HOOK3: variants seen among roughly 807,000 people sequenced by gnomAD.
HOOK3 encodes the protein protein Hook homolog 3.
A neutral mutation model predicts 116.3 loss-of-function variants in HOOK3; 24 were observed. The ratio of observed to expected loss-of-function variants is 0.21; its 90% CI spans 0.15 to 0.29. The LOEUF is 0.29. Among genes scored for constraint, HOOK3 ranks in the 10% least tolerant of loss-of-function variants. The pLI, the probability that HOOK3 is intolerant of heterozygous loss-of-function variation, is 1.00. For synonymous variants in HOOK3, 275 were observed against 283.0 expected, an observed-to-expected ratio of 0.97 and a Z score of 0.28; for missense variants, 632 against 830.2, an observed-to-expected ratio of 0.76 and a Z score of 2.93.
intron 15 of HOOK3, among the ~76,000 whole-genome samples, chr8:42,988,116 GATT>G (rs1809081968): frequency 6.6e-6 from 1 of 152,126 alleles, no homozygotes; most frequent in Non-Finnish European, 1.5e-5. Context: ...ATGCTAGAGT[GATT>G]ATAAGAGCAC....
chr8:43,018,691 CT>C lies in HOOK3; in HGVS notation c.*196del. The C allele has an allele frequency of 1.9e-6, 1 of 517,732 alleles. No individual in the cohort carries two copies. The highest frequency in any genetic ancestry group is 3.1e-6 in the Non-Finnish European group (1 of 320,196). The allele number at this position is 517,732 out of a possible 1,614,324, so 32.1% of individuals were successfully genotyped here. A position where few individuals can be genotyped will look rare whatever the true frequency, so the allele number is the denominator to read the frequency against. Reference sequence around the variant, plus strand: ...TTTCTTTGGTTTTTATTTTGTAGTCCTTTCAGTTATTTTTAATGTGCCAAAA... The same window carrying C: ...TTTCTTTGGTTTTTATTTTGTAGTCCTTCAGTTATTTTTAATGTGCCAAAA... On this transcript the variant is annotated 3_prime_UTR_variant, in exon 22 of 22. Transcript: ENST00000307602.
At chr8:42,914,461 T>C (rs1807493181) in intron 2 of HOOK3, among the ~76,000 whole-genome samples, 1 of 152,230 alleles carries the variant, frequency 6.6e-6, no homozygotes, top group African/African-American at 2.4e-5. Context: ...TTTACCACTA[T>C]TTAATCACTA....
At chr8:42,945,414 A>G (rs1283993959) in intron 5 of HOOK3, among the ~76,000 whole-genome samples, 13 of 152,062 alleles carry the variant, frequency 8.5e-5, no homozygotes, top group Non-Finnish European at 1.8e-4. Flanking sequence ...GGTTCAAGCG[A>G]TTCTCCTGCC....
chr8:42,942,130 C>T (rs532751348), intron 4 of HOOK3, among the ~76,000 whole-genome samples: 11 of 152,164 alleles, frequency 7.2e-5, no homozygotes, highest in South Asian at 6.2e-4. Flanking sequence ...TGGTGGCACA[C>T]GCCTGTAATC....
At chr8:42,983,333 C>CAAA (rs1307077397) in intron 14 of HOOK3, among the ~76,000 whole-genome samples, 1 of 55,834 alleles carries the variant, frequency 1.8e-5, no homozygotes. Flanking sequence ...GACTCTGTCT[C>CAAA]AAAAAAAAAA....
chr8:42,983,484 C>CATTT (rs1286855997), intron 14 of HOOK3, among the ~76,000 whole-genome samples: 1 of 151,816 alleles, frequency 6.6e-6, no homozygotes, highest in Admixed American at 6.6e-5. Flanking sequence ...TTAAAAATTC[C>CATTT]ATTTATTTAT....
chr8:42,908,248 A>G lies in HOOK3; in HGVS notation c.143+1990A>G, dbSNP rs138611663. On this transcript the variant is annotated intron_variant, in intron 2 of 21. Coordinates refer to ENST00000307602, the MANE Select transcript of HOOK3 (RefSeq NM_032410.4). Reference sequence around the variant, plus strand: ...TAAAATGCCCATACTACTGAAAGTGATTTGCAGATTCAATGCATTCCCTAT... The same window carrying G: ...TAAAATGCCCATACTACTGAAAGTGGTTTGCAGATTCAATGCATTCCCTAT... Among the ~76,000 whole-genome samples, 417 of 152,326 alleles carry G rather than the reference A, an allele frequency of 2.7e-3. 1 individual carries two copies. The highest frequency in any genetic ancestry group is 9.7e-3 in the African/African-American group (402 of 41,582).
At chr8:42,961,173 C>T (rs1036919082) in intron 8 of HOOK3, among the ~76,000 whole-genome samples, 2 of 152,174 alleles carry the variant, frequency 1.3e-5, no homozygotes, top group African/African-American at 4.8e-5. Context: ...AAACACCTCC[C>T]ACCAGGCCCC....
chr8:42,992,493 G>A (rs55870161), intron 15 of HOOK3, among the ~76,000 whole-genome samples: 4,463 of 149,674 alleles, frequency 0.03, 226 homozygotes, highest in African/African-American at 0.1. Flanking sequence ...TGAGGCGGGC[G>A]GATCACAAGG....
rs549235808 is a variant in HOOK3 at position 42,939,422 on chromosome 8, G to C, written c.268-3891G>C. Among the ~76,000 whole-genome samples, 660 of 146,370 alleles carry C rather than the reference G, an allele frequency of 4.5e-3. 3 individuals carry two copies. Among genetic ancestry groups the C allele is most frequent in the African/African-American group, 0.016 (630 of 39,336 alleles). ...TGACCCCCCTACCTCCCTCCCGGAT[G>C]GGGCAGCTGGCCGGGCAGAGGGGCT... On this transcript the variant is annotated intron_variant, in intron 4 of 21. Transcript: ENST00000307602.
chr8:42,938,291 TTTGCA>T (rs1808014300), intron 4 of HOOK3, among the ~76,000 whole-genome samples: 1 of 151,900 alleles, frequency 6.6e-6, no homozygotes. Flanking sequence ...TATATGTGTC[TTTGCA>T]TGTGAGATGA....
At chr8:42,959,974 T>C (rs1431057992) in intron 8 of HOOK3, among the ~76,000 whole-genome samples, 2 of 152,142 alleles carry the variant, frequency 1.3e-5, no homozygotes, top group African/African-American at 4.8e-5. Flanking sequence ...GGTCATTGCA[T>C]TGGATGCATA....
chr8:42,929,913 T>C (rs190279825), intron 3 of HOOK3, among the ~76,000 whole-genome samples: 1 of 152,156 alleles, frequency 6.6e-6, no homozygotes, highest in Non-Finnish European at 1.5e-5. Context: ...TCTACATAAT[T>C]GGAGACATAA....
At chr8:42,903,380 T>C (rs2130315811) in intron 1 of HOOK3, among the ~76,000 whole-genome samples, 1 of 143,568 alleles carries the variant, frequency 7.0e-6, no homozygotes, top group Non-Finnish European at 1.5e-5. Context: ...AGTCTCGCTC[T>C]GTGGCCCAGG....
intron 6 of HOOK3, among the ~76,000 whole-genome samples, chr8:42,956,223 C>CGT (rs61448463): frequency 0.13 from 17,973 of 135,716 alleles, 1,126 homozygotes; most frequent in African/African-American, 0.15. Flanking sequence ...AGGATTAGGG[C>CGT]GTGTGTGTGT....
chr8:42,986,696 A>G lies in HOOK3; in HGVS notation c.1433A>G (p.Lys478Arg), dbSNP rs748937435. 2 of 1,613,816 alleles carry G rather than the reference A, an allele frequency of 1.2e-6. No individual in the cohort carries two copies. The highest frequency in any genetic ancestry group is 2.2e-5 in the South Asian group (2 of 91,014). Residue 478 changes from lysine (K) to arginine (R), a missense_variant, in exon 15 of 22, where the codon AAG (lysine) becomes AGG (arginine). Lys to Arg is a conservative substitution (Grantham distance 26). Coordinates refer to ENST00000307602, the MANE Select transcript of HOOK3 (RefSeq NM_032410.4). ...IRLQHENKMLKLNQEGSDNEK... is the reference protein window; with the variant it reads ...IRLQHENKMLRLNQEGSDNEK... ...CTTCAGCATGAGAATAAGATGTTAAAGCTTAACCAAGAAGGTTCGGACAAT... is the reference window on the plus strand; with the variant it reads ...CTTCAGCATGAGAATAAGATGTTAAGGCTTAACCAAGAAGGTTCGGACAAT...
intron 17 of HOOK3, 73 bp from the exon 18 acceptor site, chr8:43,007,774 A>T: frequency 2.5e-6 from 2 of 810,382 alleles, no homozygotes; most frequent in Non-Finnish European, 3.9e-6. Flanking sequence ...AAATATAAGG[A>T]ACTCAGATCT....
chr8:42,908,726 G>A (rs1807363743), intron 2 of HOOK3, among the ~76,000 whole-genome samples: 1 of 152,142 alleles, frequency 6.6e-6, no homozygotes. Context: ...GGAAACATAG[G>A]GGGAGAGCTT....
intron 3 of HOOK3, among the ~76,000 whole-genome samples, chr8:42,928,477 G>A (rs1807813054): frequency 1.3e-5 from 2 of 151,858 alleles, no homozygotes. Context: ...ATTTTTTAAT[G>A]TTACAGCATG....
Sources: allele counts gnomAD v4.1 joint callset (sites outside exome capture counted in the v4.1 genomes callset), GRCh38; gene constraint gnomAD v4.1.1; transcripts MANE v1.5; gene names NCBI Gene and HGNC (gene_info 2026-07-23, HGNC 2026-07-21).